RANBP3: variants seen among roughly 807,000 people sequenced by gnomAD.
RANBP3 encodes the protein ran-binding protein 3.
Under a neutral mutation model 77.3 loss-of-function variants are expected in RANBP3, and 14 were observed. The observed-to-expected ratio is 0.18, with a 90% CI of 0.12 to 0.28. The LOEUF (loss-of-function observed/expected upper bound fraction) is 0.28. Among genes scored for constraint, RANBP3 ranks in the 10% least tolerant of loss-of-function variants. The probability of loss-of-function intolerance (pLI) is 1.00; values close to 1 mark genes in which losing one functional copy is unlikely to be tolerated. For missense variants in RANBP3, 586 were observed against 752.3 expected (o/e 0.78, Z 2.59); for synonymous variants, 315 against 312.4 (o/e 1.01, Z -0.09).
rs921733788 is a variant in RANBP3 at position 5,925,658 on chromosome 19, T to C, written c.893A>G (p.Tyr298Cys). 3.1e-6 allele frequency: 5 copies of C among 1,613,384 alleles called. No homozygotes were observed. Among genetic ancestry groups the C allele is most frequent in the African/African-American group, 1.3e-5 (1 of 74,726 alleles). The change falls in exon 10 of 17, where the codon TAT (tyrosine) becomes TGT (cysteine). Residue 298 changes from tyrosine to cysteine, a missense_variant. Around this residue, in one of 5 missense-constraint regions of RANBP3, gnomAD observed 232 missense variants for 271.7 expected, o/e 0.85. Coordinates refer to ENST00000340578, the MANE Select transcript of RANBP3 (RefSeq NM_007322.3). Reference sequence around the variant, plus strand: ...CCTGGAACTGATATACTGGAGGAAATAGTTCGTTGCGGTTGGCGTGTCTGC... The same window carrying C: ...CCTGGAACTGATATACTGGAGGAAACAGTTCGTTGCGGTTGGCGTGTCTGC... ...PSADTPTATN[Y>C]FLQYISSSLE...
chr19:5,947,333 GA>G (rs1395339331), intron 3 of RANBP3, among the ~76,000 whole-genome samples: 56 of 149,140 alleles, frequency 3.8e-4, no homozygotes, highest in African/African-American at 1.3e-3. Context: ...AAAAAAGAAA[GA>G]AAAGAAAAGA....
chr19:5,937,285 C>T (rs2058079662), intron 5 of RANBP3, among the ~76,000 whole-genome samples: 1 of 151,980 alleles, frequency 6.6e-6, no homozygotes, highest in Admixed American at 6.6e-5. Flanking sequence ...TCGAGGAGCA[C>T]GGCCACCCCG....
chr19:5,960,601 G>A (rs567043049), intron 1 of RANBP3, among the ~76,000 whole-genome samples: 19 of 152,302 alleles, frequency 1.2e-4, no homozygotes, highest in African/African-American at 2.2e-4. Context: ...GAAGGGGGAG[G>A]GAAGGAGGAC....
Position 5,918,628 on chromosome 19 carries a change from G to A in RANBP3, c.1341C>T (p.Thr447=). 1 of 1,613,640 alleles carries A rather than the reference G, an allele frequency of 6.2e-7. No homozygotes were observed. The highest frequency in any genetic ancestry group is 8.5e-7 in the Non-Finnish European group (1 of 1,179,856). The part of the protein sequence containing the change: ...GTLQSRLVMR[T]QGSLRLILNT... Reference sequence around the variant, plus strand: ...TGAGGATCAGTCGCAGGCTCCCCTGGGTCCGCATCACTACAACCAACAAGG... The same window carrying A: ...TGAGGATCAGTCGCAGGCTCCCCTGAGTCCGCATCACTACAACCAACAAGG... Residue 447 remains threonine, a synonymous_variant, in exon 15 of 17, where the codon ACC becomes ACT. Transcript: ENST00000340578.
chr19:5,977,857 G>C (rs534321819), intron 1 of RANBP3, among the ~76,000 whole-genome samples: 90 of 152,354 alleles, frequency 5.9e-4, no homozygotes, highest in African/African-American at 2.1e-3. Context: ...GCAGTGGCTG[G>C]GGTTGCCGGG....
chr19:5,934,734 A>C (rs1448902946), intron 5 of RANBP3, among the ~76,000 whole-genome samples: 1 of 152,190 alleles, frequency 6.6e-6, no homozygotes, highest in Non-Finnish European at 1.5e-5. Context: ...CTCAGGAGGC[A>C]GAGGTGGGAA....
rs904955129 is a variant in RANBP3, at chr19:5,924,592, G to A, written c.996+235C>T. On this transcript the variant is annotated intron_variant, in intron 11 of 16. Transcript: ENST00000340578. The surrounding 1 kb of genome is among the most constrained non-coding windows in gnomAD (Gnocchi z 4.7). The stretch of plus-strand genomic sequence containing the variant: ...GGGAAGCCCATCTTGGGATGAAGTT[G>A]GCCCTGGTCAGCACGGAGGAGCCGG... Among the ~76,000 whole-genome samples the A allele has an allele frequency of 6.6e-6, 1 of 152,266 alleles. No homozygotes were observed. Among genetic ancestry groups the A allele is most frequent in the African/African-American group, 2.4e-5 (1 of 41,474 alleles).
chr19:5,935,768 G>A (rs983083369), intron 5 of RANBP3: 1 of 456,766 alleles, frequency 2.2e-6, no homozygotes, highest in South Asian at 1.5e-5. Context: ...CCAAAATCTG[G>A]AGGTCCCTGT....
At chr19:5,941,420 G>C (rs574808499) in intron 5 of RANBP3, among the ~76,000 whole-genome samples, 2 of 152,304 alleles carry the variant, frequency 1.3e-5, no homozygotes, top group East Asian at 3.9e-4. Flanking sequence ...CATGCCGTCA[G>C]TGTCACTGAT....
rs2058377828 is a variant in RANBP3, at chr19:5,959,784, C to CA, written c.23-1812dup. 6.6e-6 allele frequency among the ~76,000 whole-genome samples: 1 copy of CA among 152,146 alleles called. No individual in the cohort carries two copies. The highest frequency in any genetic ancestry group is 2.1e-4 in the South Asian group (1 of 4,822). On this transcript the variant is annotated intron_variant, in intron 1 of 16. Transcript: ENST00000340578. The surrounding 1 kb of genome is among the most constrained non-coding windows in gnomAD (Gnocchi z 5.1). ...GTCTTCCGGTGCCACGCCTGTACCCCACAAGCCCAGCCCTGACCTCTGCAT... is the reference window on the plus strand; with the variant it reads ...GTCTTCCGGTGCCACGCCTGTACCCCAACAAGCCCAGCCCTGACCTCTGCAT...
chr19:5,932,370 G>T, intron 7 of RANBP3, 82 bp downstream of exon 7: 1 of 1,079,582 alleles, frequency 9.3e-7, no homozygotes, highest in Non-Finnish European at 1.4e-6. Context: ...CACCTCTGTC[G>T]CAACACTGCT....
chr19:5,978,119 G>C lies in RANBP3; in HGVS notation c.-37C>G, dbSNP rs763742728. 1 of 1,599,572 alleles carries C rather than the reference G, an allele frequency of 6.3e-7. No individual in the cohort carries two copies. Among genetic ancestry groups the C allele is most frequent in the Non-Finnish European group, 8.5e-7 (1 of 1,174,006 alleles). Reference sequence around the variant, plus strand: ...AAGCCCTCCCACAAGGCCCCGCGCCGGCCCAGGCTCGCCTGCTTTCTGCCA... The same window carrying C: ...AAGCCCTCCCACAAGGCCCCGCGCCCGCCCAGGCTCGCCTGCTTTCTGCCA... On this transcript the variant is annotated 5_prime_UTR_variant, in exon 1 of 17. Coordinates refer to ENST00000340578, the MANE Select transcript of RANBP3 (RefSeq NM_007322.3).
At chr19:5,972,696 C>T (rs2058544645) in intron 1 of RANBP3, among the ~76,000 whole-genome samples, 1 of 152,164 alleles carries the variant, frequency 6.6e-6, no homozygotes, top group South Asian at 2.1e-4. Flanking sequence ...TCGTCTCCCA[C>T]TACACCCAGG....
intron 1 of RANBP3, among the ~76,000 whole-genome samples, chr19:5,961,744 A>G (rs534407911): frequency 0.025 from 3,805 of 151,924 alleles, 160 homozygotes; most frequent in African/African-American, 0.088. Context: ...AAAACAAAAC[A>G]AAACAAAACA....
intron 1 of RANBP3, among the ~76,000 whole-genome samples, chr19:5,970,028 A>G (rs2058512556): frequency 6.6e-6 from 1 of 152,178 alleles, no homozygotes; most frequent in South Asian, 2.1e-4. Context: ...ATCTCCCTGG[A>G]GACACTGGTC....
At chr19:5,974,502 T>C (rs887962301) in intron 1 of RANBP3, 7 of 152,288 alleles carry the variant, frequency 4.6e-5, no homozygotes, top group African/African-American at 1.4e-4. Context: ...GACTTATCCC[T>C]GGATGCAAGG....
At chr19:5,932,306 G>A (rs1378188627) in intron 7 of RANBP3, 146 bp downstream of exon 7, 1 of 676,732 alleles carries the variant, frequency 1.5e-6, no homozygotes, top group Non-Finnish European at 2.5e-6. Context: ...GCTGGGGGGT[G>A]ATTTAAAGGA....
intron 3 of RANBP3, among the ~76,000 whole-genome samples, chr19:5,942,579 G>A (rs940193053): frequency 3.9e-5 from 6 of 151,906 alleles, no homozygotes; most frequent in African/African-American, 7.3e-5. Context: ...GGTGGTGCAC[G>A]CCTGTAATCT....
At chr19:5,920,337 G>A (rs1164515109) in intron 14 of RANBP3, among the ~76,000 whole-genome samples, 2 of 152,100 alleles carry the variant, frequency 1.3e-5, no homozygotes, top group East Asian at 1.9e-4. Flanking sequence ...AATTTGAGGC[G>A]ATGATCACAC....
Sources: gnomAD v4.1 joint callset for allele counts (sites outside exome capture counted in the v4.1 genomes callset) on GRCh38, gnomAD v4.1.1 for gene constraint, gnomAD v4.1.1 regional missense constraint, Gnocchi (gnomAD v3.1) non-coding constraint, MANE v1.5 for transcripts, NCBI Gene and HGNC (gene_info 2026-07-23, HGNC 2026-07-21) for gene names.